The following PCDHGA7 variants were observed in gnomAD, a reference collection of about 807,000 sequenced individuals.
The protein encoded by PCDHGA7 is protocadherin gamma-A7.
PCDHGA7 carries 44 observed loss-of-function variants against 58.3 expected under a neutral mutation model. The ratio of observed to expected loss-of-function variants is 0.75; its 90% CI spans 0.59 to 0.97. PCDHGA7 has a LOEUF of 0.97. Ranked by LOEUF, PCDHGA7 falls within the 50% of genes least tolerant of loss-of-function variation. The pLI, the probability that PCDHGA7 is intolerant of heterozygous loss-of-function variation, is 0.00. For synonymous variants in PCDHGA7, 516 were observed against 504.2 expected (o/e 1.02, Z -0.31); for missense variants, 1,266 against 1,188.7 (o/e 1.06, Z -0.96).
chr5:141,414,193 A>C, intron 1 of PCDHGA7: 1 of 1,610,884 alleles, frequency 6.2e-7, no homozygotes, highest in Admixed American at 1.7e-5. Context: ...AGTGTTGATT[A>C]CAGTAGAAGA....
intron 1 of PCDHGA7, among the ~76,000 whole-genome samples, chr5:141,433,837 C>CA (rs56191208): frequency 0.14 from 15,134 of 111,544 alleles, 1,164 homozygotes; most frequent in African/African-American, 0.25. Context: ...AACTCTATCT[C>CA]AAAAAAAAAA....
rs553860713 is a variant in PCDHGA7, at chr5:141,410,124, G to C, written c.2424+24801G>C. On this transcript the variant is annotated intron_variant, in intron 1 of 3. Coordinates refer to ENST00000518325, the MANE Select transcript of PCDHGA7 (RefSeq NM_018920.4). ...GGCGACAGGGACGCAGCCCGCCAGC[G>C]CCTGCTGGTCGCTGTGCGTGACGGT... is the stretch of plus-strand genomic sequence containing the variant. 1.2e-5 allele frequency: 20 copies of C among 1,612,726 alleles called. No homozygotes were observed. In the South Asian group the frequency reaches 2.2e-4, roughly 18 times the overall value.
chr5:141,403,308 T>C (rs1245270186), intron 1 of PCDHGA7: 2 of 1,613,866 alleles, frequency 1.2e-6, no homozygotes, highest in Admixed American at 1.7e-5. Flanking sequence ...CTGTACGGAA[T>C]AGAAATAGAA....
chr5:141,458,514 T>G (rs1338106276), intron 1 of PCDHGA7, among the ~76,000 whole-genome samples: 1 of 129,036 alleles, frequency 7.7e-6, no homozygotes, highest in African/African-American at 3.6e-5. Context: ...TGACACTTTG[T>G]TTTTTTTTTT....
At position 141,489,733 on chromosome 5, in the gene PCDHGA7, A is replaced by C; in HGVS notation, c.2425-5074A>C. ...TGCCCAGGATCCGGATGTGGGCACC[A>C]ATACTGTGAGCTTTTACACTCTAAG... On this transcript the variant is annotated intron_variant, in intron 1 of 3. Coordinates refer to ENST00000518325, the MANE Select transcript of PCDHGA7 (RefSeq NM_018920.4). This position sits in a 1 kb window ranked among gnomAD's most constrained non-coding sequence, Gnocchi z 4.5. 1 of 1,614,168 alleles carries C rather than the reference A, an allele frequency of 6.2e-7. No individual in the cohort carries two copies. The highest frequency in any genetic ancestry group is 1.1e-5 in the South Asian group (1 of 91,078).
chr5:141,459,843 T>C (rs1328781794), intron 1 of PCDHGA7, among the ~76,000 whole-genome samples: 1 of 152,228 alleles, frequency 6.6e-6, no homozygotes, highest in African/African-American at 2.4e-5. Context: ...TGTCTATTTG[T>C]ATATCTTCTT....
chr5:141,408,870 G>A (rs780987841), intron 1 of PCDHGA7: 1 of 1,613,656 alleles, frequency 6.2e-7, no homozygotes, highest in South Asian at 1.1e-5. Context: ...CCACCAAGAA[G>A]TGCCACCGCT....
chr5:141,409,106 A>T (rs1474106494), intron 1 of PCDHGA7: 1 of 1,613,930 alleles, frequency 6.2e-7, no homozygotes, highest in East Asian at 2.2e-5. Context: ...AGGTATGATT[A>T]AGAATAACCA....
intron 1 of PCDHGA7, among the ~76,000 whole-genome samples, chr5:141,474,187 T>A (rs2099345004): frequency 6.6e-6 from 1 of 152,210 alleles, no homozygotes; most frequent in South Asian, 2.1e-4. Context: ...ACTACTTACA[T>A]TTTTAAAAGC....
chr5:141,384,267 C>T lies in PCDHGA7; in HGVS notation c.1368C>T (p.Ser456=), dbSNP rs1170671342. The T allele has an allele frequency of 6.2e-7, 1 of 1,613,862 alleles. No individual in the cohort carries two copies. The highest frequency in any genetic ancestry group is 2.2e-5 in the East Asian group (1 of 44,876). ...ACCCACCCACCTTCCCCCACTCATCCTACTCAGTCTACATCGCTGAGAACA... is the reference window on the plus strand; with the variant it reads ...ACCCACCCACCTTCCCCCACTCATCTTACTCAGTCTACATCGCTGAGAACA... ...NDNPPTFPHS[S]YSVYIAENNP... The change falls in exon 1 of 4, where the codon TCC becomes TCT. Residue 456 remains serine, a synonymous_variant. Coordinates refer to ENST00000518325, the MANE Select transcript of PCDHGA7 (RefSeq NM_018920.4).
chr5:141,449,160 T>G (rs6867451), intron 1 of PCDHGA7, among the ~76,000 whole-genome samples: 8,161 of 152,140 alleles, frequency 0.054, 458 homozygotes, highest in African/African-American at 0.15. Context: ...AAAGAGGAAA[T>G]AGGTGTAATT....
rs998267605 is a variant in PCDHGA7 at position 141,383,657 on chromosome 5, A to T, written c.758A>T (p.Glu253Val). The stretch of plus-strand genomic sequence containing the variant: ...CCTCAGTACCAAGTAACTGTCCCCG[A>T]GAATGTGCCAGTGGGTACAAGACTG... ...SLPQYQVTVP[E>V]NVPVGTRLLT... Residue 253 changes from glutamate (E) to valine (V), a missense_variant, in exon 1 of 4, where the codon GAG (glutamate) becomes GTG (valine). Transcript: ENST00000518325. 6 of 1,614,058 alleles carry T rather than the reference A, an allele frequency of 3.7e-6. No homozygotes were observed. In the East Asian group the frequency reaches 1.3e-4, roughly 36 times the overall value.
intron 1 of PCDHGA7, chr5:141,419,534 G>C: frequency 6.2e-7 from 1 of 1,612,078 alleles, no homozygotes; most frequent in African/African-American, 1.3e-5. Context: ...TAACGACAAC[G>C]CACCGCGGGT....
chr5:141,494,962 T>G (rs1644946600), intron 2 of PCDHGA7, 97 bp downstream of exon 2: 4 of 1,596,756 alleles, frequency 2.5e-6, no homozygotes, highest in Non-Finnish European at 3.4e-6. Context: ...TTGCTACAGA[T>G]GGCTTCTCCC....
rs1561857042 is a variant in PCDHGA7, at chr5:141,432,038, C to CG, written c.2424+46719dup. 3 of 1,614,190 alleles carry CG rather than the reference C, an allele frequency of 1.9e-6. No individual in the cohort carries two copies. The highest frequency in any genetic ancestry group is 2.5e-6 in the Non-Finnish European group (3 of 1,180,032). Reference sequence around the variant, plus strand: ...CAACATCACAGTGACCGCCACTGACCGGGGAACCCCGCCCCTATCCACGGA... The same window carrying CG: ...CAACATCACAGTGACCGCCACTGACCGGGGGAACCCCGCCCCTATCCACGGA... On this transcript the variant is annotated intron_variant, in intron 1 of 3. Transcript: ENST00000518325. The surrounding 1 kb of genome is among the most constrained non-coding windows in gnomAD (Gnocchi z 6.0).
chr5:141,511,328 A>G lies in PCDHGA7; in HGVS notation c.*155A>G. On this transcript the variant is annotated 3_prime_UTR_variant, in exon 4 of 4. Transcript: ENST00000518325. Reference sequence around the variant, plus strand: ...CCTTGGGAAACAGAAACAAGTGCCCAGTCAGCACCTACCCCTTCCCCCCCA... The same window carrying G: ...CCTTGGGAAACAGAAACAAGTGCCCGGTCAGCACCTACCCCTTCCCCCCCA... The G allele has an allele frequency of 6.9e-7, 1 of 1,456,862 alleles. No individual in the cohort carries two copies. Among genetic ancestry groups the G allele is most frequent in the Non-Finnish European group, 9.1e-7 (1 of 1,093,622 alleles). 90.2% of individuals were successfully genotyped at this position (1,456,862 alleles called of 1,614,324 possible).
chr5:141,396,112 A>G (rs916569843), intron 1 of PCDHGA7: 4 of 152,232 alleles, frequency 2.6e-5, no homozygotes, highest in Non-Finnish European at 2.9e-5. Flanking sequence ...TTAAGAACCA[A>G]TGTTTCAGGT....
chr5:141,473,017 A>AGAAG (rs1484773075), intron 1 of PCDHGA7, among the ~76,000 whole-genome samples: 3 of 151,764 alleles, frequency 2.0e-5, no homozygotes, highest in African/African-American at 4.8e-5. Flanking sequence ...AGAAAAAGAA[A>AGAAG]GAAGGAAGGA....
At chr5:141,496,760 G>A (rs144857340) in intron 2 of PCDHGA7, among the ~76,000 whole-genome samples, 4 of 152,108 alleles carry the variant, frequency 2.6e-5, no homozygotes, top group East Asian at 1.9e-4. Context: ...AATATTTATC[G>A]AGCATCTACT....
Sources: gnomAD v4.1 joint callset for allele counts (sites outside exome capture counted in the v4.1 genomes callset) on GRCh38, gnomAD v4.1.1 for gene constraint, Gnocchi (gnomAD v3.1) non-coding constraint, MANE v1.5 for transcripts, NCBI Gene and HGNC (gene_info 2026-07-23, HGNC 2026-07-21) for gene names.